The following RNLS variants were observed in gnomAD, a reference collection of about 807,000 sequenced individuals.
The protein encoded by RNLS is renalase, FAD dependent amine oxidase, also known as renalase.
Under a neutral mutation model 39.8 loss-of-function variants are expected in RNLS, and 39 were observed. That is an observed-to-expected ratio of 0.98 (90% CI 0.76 to 1.28). RNLS has a LOEUF of 1.28. RNLS is among the 50% of genes most tolerant of loss of function. RNLS has a pLI of 0.00. For synonymous variants in RNLS, 147 were observed against 150.7 expected (o/e 0.98, Z 0.18); for missense variants, 410 against 413.3 (o/e 0.99, Z 0.07).
intron 4 of RNLS, among the ~76,000 whole-genome samples, chr10:88,534,946 GAGACAGAAAAA>G (rs1165740979): frequency 6.6e-6 from 1 of 152,010 alleles, no homozygotes; most frequent in Non-Finnish European, 1.5e-5. Context: ...CTAAACCTTG[GAGACAGAAAAA>G]ATCAAAGCAA....
At chr10:88,500,180 T>G (rs1246672677) in intron 4 of RNLS, among the ~76,000 whole-genome samples, 1 of 152,162 alleles carries the variant, frequency 6.6e-6, no homozygotes, top group Non-Finnish European at 1.5e-5. Flanking sequence ...GAGGGCTTAT[T>G]CTCAAATAAT....
At chr10:88,353,393 A>G (rs887760420) in intron 5 of RNLS, among the ~76,000 whole-genome samples, 8 of 151,772 alleles carry the variant, frequency 5.3e-5, no homozygotes, top group African/African-American at 1.9e-4. Context: ...TGTGTCCCAG[A>G]GATTCTGGTA....
At chr10:88,316,142 A>G (rs560725793) in intron 5 of RNLS, among the ~76,000 whole-genome samples, 38 of 152,148 alleles carry the variant, frequency 2.5e-4, no homozygotes, top group Non-Finnish European at 1.0e-4. Flanking sequence ...GAGGTGAGGG[A>G]CCTGAATTCA....
At position 88,420,693 on chromosome 10, in the gene RNLS, A is replaced by G. The variant is rs546037540; in HGVS notation, c.527-57968T>C. On this transcript the variant is annotated intron_variant, in intron 4 of 6. Coordinates refer to ENST00000331772, the MANE Select transcript of RNLS (RefSeq NM_001031709.3). ...CCATAACTTAATTACATCTGCTAAG[A>G]CAATTTTTCCAAATAAGATAACATT... Among the ~76,000 whole-genome samples, 14 of 152,374 alleles carry G rather than the reference A, an allele frequency of 9.2e-5. No homozygotes were observed. The East Asian group carries it at 2.7e-3, about 29-fold the overall frequency.
intron 4 of RNLS, among the ~76,000 whole-genome samples, chr10:88,464,488 T>A (rs192878142): frequency 6.6e-6 from 1 of 152,214 alleles, no homozygotes; most frequent in Admixed American, 6.6e-5. Flanking sequence ...CATACCTACA[T>A]GAGCAAGTTG....
chr10:88,538,055 T>C (rs1301770876), intron 4 of RNLS, among the ~76,000 whole-genome samples: 1 of 152,162 alleles, frequency 6.6e-6, no homozygotes. Context: ...ATATAATTAA[T>C]GTTCAGAGAT....
At chr10:88,328,547 G>T (rs1277416132) in intron 5 of RNLS, among the ~76,000 whole-genome samples, 1 of 152,008 alleles carries the variant, frequency 6.6e-6, no homozygotes, top group African/African-American at 2.4e-5. Context: ...TCTTCTTTTT[G>T]ATTAAACCAT....
At chr10:88,209,579 A>C in the RNLS span, among the ~76,000 whole-genome samples, 1 of 152,186 alleles carries the variant, frequency 6.6e-6, no homozygotes, top group East Asian at 1.9e-4. Context: ...GAATTGTGAG[A>C]GACTACAATT....
chr10:88,264,606 A>G, the RNLS span, among the ~76,000 whole-genome samples: 4 of 152,144 alleles, frequency 2.6e-5, no homozygotes, highest in South Asian at 8.3e-4. Context: ...GCATTTCTTC[A>G]TATGTTGGTT....
At chr10:88,578,730 C>T (rs925515972) in intron 3 of RNLS, among the ~76,000 whole-genome samples, 14 of 152,104 alleles carry the variant, frequency 9.2e-5, no homozygotes, top group Non-Finnish European at 2.1e-4. Flanking sequence ...AAAATAATCT[C>T]TTCTCTGAAA....
the RNLS span, among the ~76,000 whole-genome samples, chr10:88,214,023 A>G: frequency 6.6e-6 from 1 of 152,140 alleles, no homozygotes; most frequent in Admixed American, 6.5e-5. Flanking sequence ...CAACAGGATA[A>G]TCAGGACTCG....
intron 5 of RNLS, among the ~76,000 whole-genome samples, chr10:88,355,066 A>T (rs1849044906): frequency 1.3e-5 from 2 of 152,166 alleles, no homozygotes; most frequent in Non-Finnish European, 2.9e-5. Context: ...CAGCTCCATC[A>T]GGTCCTTTAA....
chr10:88,555,331 C>A lies in RNLS; in HGVS notation c.526+17572G>T, dbSNP rs1590009881. On this transcript the variant is annotated intron_variant, in intron 4 of 6. Coordinates refer to ENST00000331772, the MANE Select transcript of RNLS (RefSeq NM_001031709.3). ...CTGACATGATTTCAGTGTTTGTCTC[C>A]TCCAAATGTCATGTTGAAATGTGAT... Among the ~76,000 whole-genome samples the A allele has an allele frequency of 2.0e-5, 3 of 151,978 alleles. No homozygotes were observed. The South Asian group carries it at 6.2e-4, about 32-fold the overall frequency.
At chr10:88,520,082 T>C (rs1015679654) in intron 4 of RNLS, among the ~76,000 whole-genome samples, 3 of 152,024 alleles carry the variant, frequency 2.0e-5, no homozygotes, top group African/African-American at 7.2e-5. Flanking sequence ...AGTGGACAGC[T>C]GTCTGGAAGT....
the RNLS span, among the ~76,000 whole-genome samples, chr10:88,252,261 T>G: frequency 6.6e-6 from 1 of 152,236 alleles, no homozygotes; most frequent in East Asian, 1.9e-4. Flanking sequence ...TGTATGCATT[T>G]GATAAACTAT....
chr10:88,559,703 A>G (rs923683987), intron 4 of RNLS, among the ~76,000 whole-genome samples: 2 of 93,000 alleles, frequency 2.2e-5, no homozygotes, highest in African/African-American at 9.2e-5. Context: ...CTGAGAGCCT[A>G]CATATACGAG....
At position 88,478,570 on chromosome 10, in the gene RNLS, C is replaced by A. The variant is rs181595275; in HGVS notation, c.526+94333G>T. Among the ~76,000 whole-genome samples, 225 of 152,262 alleles carry A rather than the reference C, an allele frequency of 1.5e-3. 3 individuals carry two copies. Among genetic ancestry groups the A allele is most frequent in the Non-Finnish European group, 2.8e-4 (19 of 68,016 alleles). On this transcript the variant is annotated intron_variant, in intron 4 of 6. Coordinates refer to ENST00000331772, the MANE Select transcript of RNLS (RefSeq NM_001031709.3). ...CTCTAGTCATCAAAGCATGCCTGGG[C>A]AGGTTGGTATACTTGAAGTCTCTCC...
At chr10:88,278,618 A>C (rs1818459295) in intron 6 of RNLS, among the ~76,000 whole-genome samples, 1 of 152,172 alleles carries the variant, frequency 6.6e-6, no homozygotes, top group Non-Finnish European at 1.5e-5. Context: ...ATGTGCATAC[A>C]CAACATACCA....
chr10:88,571,681 T>TA (rs997499355), intron 4 of RNLS, among the ~76,000 whole-genome samples: 2 of 152,198 alleles, frequency 1.3e-5, no homozygotes, highest in African/African-American at 4.8e-5. Context: ...TTAATACCTT[T>TA]ATTCCCTTTT....
Sources: gnomAD v4.1 joint callset for allele counts (sites outside exome capture counted in the v4.1 genomes callset) on GRCh38, gnomAD v4.1.1 for gene constraint, MANE v1.5 for transcripts, NCBI Gene and HGNC (gene_info 2026-07-23, HGNC 2026-07-21) for gene names.